RUVBL2: variants seen among roughly 807,000 people sequenced by gnomAD.
The protein encoded by RUVBL2 is RuvB like AAA ATPase 2, also known as ruvB-like 2.
A neutral mutation model predicts 57.9 loss-of-function variants in RUVBL2; 9 were observed. The observed-to-expected ratio is 0.16, with a 90% confidence interval of 0.09 to 0.27. The LOEUF (loss-of-function observed/expected upper bound fraction) is 0.27, where lower values mean the gene tolerates loss of function less well. Among genes scored for constraint, RUVBL2 ranks in the 10% least tolerant of loss-of-function variants. The pLI is 1.00. For missense variants in RUVBL2, 456 were observed against 669.6 expected (o/e 0.68, Z 3.52); for synonymous variants, 278 against 264.6 (o/e 1.05, Z -0.49).
At chr19:49,004,498 C>A in intron 4 of RUVBL2, 80 bp downstream of exon 4, 1 of 1,393,952 alleles carries the variant, frequency 7.2e-7, no homozygotes, top group South Asian at 1.3e-5. Context: ...CAGGATGAGC[C>A]GCCTTTAACA....
intron 14 of RUVBL2, 55 bp downstream of exon 14, chr19:49,015,741 G>A (rs533242738): frequency 1.9e-6 from 3 of 1,611,890 alleles, no homozygotes; most frequent in South Asian, 2.2e-5. Context: ...GAGGGAGGAA[G>A]AGGGAGCTCG....
chr19:49,009,716 G>A, intron 6 of RUVBL2, 60 bp from the exon 7 acceptor site: 1 of 1,414,162 alleles, frequency 7.1e-7, no homozygotes, highest in Non-Finnish European at 1.0e-6. Context: ...AACACTGGGG[G>A]CACTGGGGCA....
chr19:49,004,146 GA>G, intron 3 of RUVBL2, 130 bp from the exon 4 acceptor site: 1 of 1,033,368 alleles, frequency 9.7e-7, no homozygotes, highest in South Asian at 1.6e-5. Flanking sequence ...AAAAAGCAGG[GA>G]AAGCTTTTTT....
At position 49,010,497 on chromosome 19, in the gene RUVBL2, G is replaced by A. The variant is rs752932024; in HGVS notation, c.673G>A (p.Val225Met). 6.5e-5 allele frequency: 45 copies of A among 693,914 alleles called. No homozygotes were observed. Among genetic ancestry groups the A allele is most frequent in the South Asian group, 2.4e-4 (18 of 73,730 alleles). The allele number at this position is 693,914 out of a possible 1,614,324, so 43.0% of individuals were successfully genotyped here. Residue 225 changes from valine (V) to methionine (M), a missense_variant, in exon 9 of 15, where the codon GTG becomes ATG. Val to Met is a conservative substitution (Grantham distance 21). Coordinates refer to ENST00000595090, the MANE Select transcript of RUVBL2 (RefSeq NM_006666.3). The stretch of plus-strand genomic sequence containing the variant: ...CACCCCCGCCCCATAGACCAAGTTC[G>A]TGCAGTGCCCAGATGGGGAGCTCCA... ...YDAMGSQTKF[V>M]QCPDGELQKR...
chr19:49,003,168 C>CAA, intron 2 of RUVBL2, 111 bp from the exon 3 acceptor site: 2 of 724,412 alleles, frequency 2.8e-6, no homozygotes, highest in Admixed American at 1.9e-5. Context: ...CCCCTGCTCC[C>CAA]TACTCCCACC....
rs777805638 is a variant in RUVBL2, at chr19:49,007,061, C to T, written c.309C>T (p.Ile103=). 2.2e-5 allele frequency: 36 copies of T among 1,613,080 alleles called. No individual in the cohort carries two copies. The highest frequency in any genetic ancestry group is 1.6e-4 in the African/African-American group (12 of 74,958). Residue 103 remains isoleucine (I), a synonymous_variant, in exon 5 of 15, where the codon ATC becomes ATT. Coordinates refer to ENST00000595090, the MANE Select transcript of RUVBL2 (RefSeq NM_006666.3). ...ALGPDTPFTA[I]AGSEIFSLEM... Reference sequence around the variant, plus strand: ...GCCCTGACACGCCATTCACAGCCATCGCCGGCAGTGAAATCTTCTCCCTGG... The same window carrying T: ...GCCCTGACACGCCATTCACAGCCATTGCCGGCAGTGAAATCTTCTCCCTGG...
Position 48,999,338 on chromosome 19 carries a change from C to T in RUVBL2, c.32C>T (p.Pro11Leu), listed in dbSNP as rs371296069. MATVTATTKV[P>L]EIRDVTRIER... ...CCCCAGACAGCCACAACCAAAGTCC[C>T]GGAGATCCGTGATGTAACAAGGATT... The change falls in exon 2 of 15, where the codon CCG (proline) becomes CTG (leucine). Residue 11 changes from proline to leucine, a missense_variant. Around this residue, in one of 5 missense-constraint regions of RUVBL2, gnomAD observed 22 missense variants for 23.9 expected, o/e 0.92. Coordinates refer to ENST00000595090, the MANE Select transcript of RUVBL2 (RefSeq NM_006666.3). 1.4e-5 allele frequency: 22 copies of T among 1,614,038 alleles called. No homozygotes were observed. In the East Asian group the frequency reaches 2.7e-4, roughly 20 times the overall value.
chr19:48,993,944 G>A (rs376593861), intron 1 of RUVBL2, 21 bp downstream of exon 1: 21 of 1,613,964 alleles, frequency 1.3e-5, no homozygotes, highest in Non-Finnish European at 1.8e-5. Flanking sequence ...GTGCATGGAG[G>A]GTGAGGAGCG....
At chr19:48,994,069 C>T (rs988543819) in intron 1 of RUVBL2, 146 bp downstream of exon 1, 2 of 772,462 alleles carry the variant, frequency 2.6e-6, no homozygotes, top group African/African-American at 1.8e-5. Flanking sequence ...GGAAGCTCGG[C>T]CACCCAGATC....
upstream of RUVBL2, chr19:48,993,722 C>A: frequency 2.9e-6 from 2 of 693,752 alleles, no homozygotes; most frequent in African/African-American, 1.8e-5. Context: ...CCAGGAGTTC[C>A]GGACGCCCGT....
chr19:49,015,789 G>C, intron 14 of RUVBL2, 28 bp from the exon 15 acceptor site: 1 of 1,614,078 alleles, frequency 6.2e-7, no homozygotes. Flanking sequence ...GGGCGACACT[G>C]ACCATGTGGC....
chr19:48,993,773 C>T (rs1055844762), upstream of RUVBL2: 31 of 1,175,208 alleles, frequency 2.6e-5, no homozygotes, highest in South Asian at 3.2e-4. Context: ...GCATAAAGTC[C>T]CGCCACGCCC....
intron 1 of RUVBL2, among the ~76,000 whole-genome samples, chr19:48,995,636 C>A (rs148548181): frequency 2.0e-5 from 3 of 151,566 alleles, no homozygotes; most frequent in African/African-American, 7.3e-5. Flanking sequence ...ATTGCTTGAG[C>A]CCAGGAATTT....
Position 49,007,123 on chromosome 19 carries a change from G to A in RUVBL2, c.371G>A (p.Arg124Gln). ...SKTEALTQAF[R>Q]RSIGVRIKEE... is the part of the protein sequence containing the mutation. The stretch of plus-strand genomic sequence containing the variant: ...ACCGAGGCGCTGACGCAGGCCTTCC[G>A]GCGGTCCATCGGCGTTCGCATCAAG... The change falls in exon 5 of 15, where the codon CGG (arginine) becomes CAG (glutamine). Residue 124 changes from arginine (R) to glutamine (Q), a missense_variant. This residue lies in a region of RUVBL2 where 233 missense variants were observed against 306.0 expected (regional missense o/e 0.76). Coordinates refer to ENST00000595090, the MANE Select transcript of RUVBL2 (RefSeq NM_006666.3). The A allele has an allele frequency of 6.2e-7, 1 of 1,613,304 alleles. No homozygotes were observed. The highest frequency in any genetic ancestry group is 8.5e-7 in the Non-Finnish European group (1 of 1,180,036).
At chr19:49,015,179 C>T in intron 13 of RUVBL2, 29 bp downstream of exon 13, 2 of 1,595,634 alleles carry the variant, frequency 1.3e-6, no homozygotes, top group South Asian at 2.3e-5. Context: ...CCAGCAGGGC[C>T]AGATGGCGGC....
At chr19:49,010,241 T>C (rs922165487) in intron 8 of RUVBL2, 175 bp downstream of exon 8, 1 of 720,352 alleles carries the variant, frequency 1.4e-6, no homozygotes, top group East Asian at 2.7e-5. Context: ...CCTGGCACTA[T>C]AGCTTCGCAT....
At chr19:49,001,135 C>T (rs906961541) in intron 2 of RUVBL2, among the ~76,000 whole-genome samples, 1 of 150,774 alleles carries the variant, frequency 6.6e-6, no homozygotes, top group African/African-American at 2.4e-5. Context: ...CAGAGTGAGA[C>T]GCTCTCTCAA....
At chr19:49,009,140 G>A (rs1328283260) in intron 6 of RUVBL2, among the ~76,000 whole-genome samples, 6 of 110,590 alleles carry the variant, frequency 5.4e-5, no homozygotes, top group African/African-American at 1.4e-4. Context: ...CAGCCTGGGC[G>A]ACAGAGCAAG....
chr19:49,011,666 T>TTTA lies in RUVBL2; in HGVS notation c.1001+357_1001+358insTAT, dbSNP rs2039431812. Among the ~76,000 whole-genome samples, 1 of 152,170 alleles carries TTTA rather than the reference T, an allele frequency of 6.6e-6. No homozygotes were observed. Among genetic ancestry groups the TTTA allele is most frequent in the East Asian group, 1.9e-4 (1 of 5,200 alleles). ...CTGTTAGACATAACATAAACTACGA[T>TTTA]TGTTCAGTCACTTCGACCCAGCAAC... On this transcript the variant is annotated intron_variant, in intron 11 of 14. Transcript: ENST00000595090. This position sits in a 1 kb window ranked among gnomAD's most constrained non-coding sequence, Gnocchi z 4.4.
Sources: gnomAD v4.1 joint callset for allele counts (sites outside exome capture counted in the v4.1 genomes callset) on GRCh38, gnomAD v4.1.1 for gene constraint, gnomAD v4.1.1 regional missense constraint, Gnocchi (gnomAD v3.1) non-coding constraint, MANE v1.5 for transcripts, NCBI Gene and HGNC (gene_info 2026-07-23, HGNC 2026-07-21) for gene names.